Variants in PPP2R5A observed in about 807,000 individuals in gnomAD.
The protein encoded by PPP2R5A is protein phosphatase 2 regulatory subunit B'alpha, also known as serine/threonine-protein phosphatase 2A 56 kDa regulatory subunit alpha isoform.
Under a neutral mutation model 64.2 loss-of-function variants are expected in PPP2R5A, and 25 were observed. The observed-to-expected ratio is 0.39, with a 90% CI of 0.28 to 0.54. PPP2R5A has a LOEUF of 0.54. PPP2R5A is among the 20% of genes least tolerant of loss of function. PPP2R5A has a pLI of 0.67. For synonymous variants in PPP2R5A, 198 were observed against 201.2 expected, an observed-to-expected ratio of 0.98 and a Z score of 0.13; for missense variants, 425 against 576.3, an observed-to-expected ratio of 0.74 and a Z score of 2.69.
In PPP2R5A at chr1:212,286,050, T is replaced by C. The variant is rs1658490126; in HGVS notation, c.-61T>C. 1 of 1,444,980 alleles carries C rather than the reference T, an allele frequency of 6.9e-7. No individual in the cohort carries two copies. The highest frequency in any genetic ancestry group is 1.4e-5 in the South Asian group (1 of 72,830). The allele number at this position is 1,444,980 out of a possible 1,614,324, so 89.5% of individuals were successfully genotyped here. A position where few individuals can be genotyped will look rare whatever the true frequency, so the allele number is the denominator to read the frequency against. ...CTCTCCCCCGCCTCCTCCTGCCGTCTCCGCCGCTGCCCGTGCCTTGCAAGC... is the reference window on the plus strand; with the variant it reads ...CTCTCCCCCGCCTCCTCCTGCCGTCCCCGCCGCTGCCCGTGCCTTGCAAGC... On this transcript the variant is annotated 5_prime_UTR_variant, in exon 1 of 13. Transcript: ENST00000261461.
At chr1:212,289,029 C>G (rs1250417247) in intron 1 of PPP2R5A, among the ~76,000 whole-genome samples, 5 of 152,136 alleles carry the variant, frequency 3.3e-5, no homozygotes, top group African/African-American at 1.2e-4. Context: ...CAAAAATGTT[C>G]AGAATAAATT....
At chr1:212,307,810 A>T (rs1658948304) in intron 1 of PPP2R5A, among the ~76,000 whole-genome samples, 1 of 152,078 alleles carries the variant, frequency 6.6e-6, no homozygotes, top group Non-Finnish European at 1.5e-5. Flanking sequence ...GTTTTTATTT[A>T]TTTGGGAACG....
chr1:212,289,488 T>C (rs1431384797), intron 1 of PPP2R5A, among the ~76,000 whole-genome samples: 1 of 152,234 alleles, frequency 6.6e-6, no homozygotes, highest in East Asian at 1.9e-4. Flanking sequence ...CAGCTGACAC[T>C]GGGACCTAGG....
chr1:212,302,879 C>T (rs1169588111), intron 1 of PPP2R5A, among the ~76,000 whole-genome samples: 1 of 152,086 alleles, frequency 6.6e-6, no homozygotes, highest in Non-Finnish European at 1.5e-5. Context: ...ATTCACTTTG[C>T]ATAATGTTTT....
intron 1 of PPP2R5A, among the ~76,000 whole-genome samples, chr1:212,317,076 G>A (rs1487868118): frequency 6.6e-6 from 1 of 152,010 alleles, no homozygotes; most frequent in African/African-American, 2.4e-5. Context: ...AGTTCTGTAG[G>A]ACCCTTGCCT....
chr1:212,331,075 G>A (rs1384926068), intron 2 of PPP2R5A, among the ~76,000 whole-genome samples: 2 of 151,858 alleles, frequency 1.3e-5, no homozygotes, highest in African/African-American at 2.4e-5. Flanking sequence ...GGCTGAGGCC[G>A]GAGAATTGCT....
At position 212,313,863 on chromosome 1, in the gene PPP2R5A, T is replaced by C. The variant is rs188844265; in HGVS notation, c.182-15272T>C. On this transcript the variant is annotated intron_variant, in intron 1 of 12. Coordinates refer to ENST00000261461, the MANE Select transcript of PPP2R5A (RefSeq NM_006243.4). ...TCATGTTAAAAATCATCTTGGCTAT[T>C]CTTGGCACTTTATTTTTCCAGACGC... 2.6e-5 allele frequency: 4 copies of C among 152,332 alleles called. No homozygotes were observed. The East Asian group carries it at 7.7e-4, about 29-fold the overall frequency. 9.4% of individuals were successfully genotyped at this position (152,332 alleles called of 1,614,324 possible). A position where few individuals can be genotyped will look rare whatever the true frequency, so the allele number is the denominator to read the frequency against.
intron 1 of PPP2R5A, among the ~76,000 whole-genome samples, chr1:212,304,981 C>G (rs544663265): frequency 6.6e-6 from 1 of 151,016 alleles, no homozygotes; most frequent in African/African-American, 2.4e-5. Context: ...GCCACCCACC[C>G]CTGCGTCCCT....
chr1:212,288,485 T>G (rs761730833), intron 1 of PPP2R5A, among the ~76,000 whole-genome samples: 4 of 152,180 alleles, frequency 2.6e-5, no homozygotes, highest in Admixed American at 6.5e-5. Flanking sequence ...GAAAATACAG[T>G]ATTCATCATA....
intron 1 of PPP2R5A, among the ~76,000 whole-genome samples, chr1:212,325,935 A>T (rs979196579): frequency 2.6e-5 from 4 of 152,216 alleles, no homozygotes; most frequent in African/African-American, 9.6e-5. Context: ...ATTAGCAGAC[A>T]TCATTTATTA....
Position 212,333,571 on chromosome 1 carries a change from G to A in PPP2R5A, c.453G>A (p.Thr151=), listed in dbSNP as rs1290134975. The A allele has an allele frequency of 5.7e-6, 9 of 1,582,990 alleles. No individual in the cohort carries two copies. In the South Asian group the frequency reaches 1.0e-4, roughly 18 times the overall value. The change falls in exon 3 of 13, where the codon ACG becomes ACA. Residue 151 remains threonine (T), a synonymous_variant. Transcript: ENST00000261461. The part of the protein sequence containing the change: ...PDFDPEEDEP[T]LEASWPHIQL... ...TTGATCCAGAAGAGGATGAACCCAC[G>A]CTTGAGGCCTCTTGGCCTCACATAC...
At chr1:212,315,824 T>C (rs1398464527) in intron 1 of PPP2R5A, among the ~76,000 whole-genome samples, 1 of 152,228 alleles carries the variant, frequency 6.6e-6, no homozygotes, top group Non-Finnish European at 1.5e-5. Context: ...GGTCCCATTT[T>C]TCCAATAGCA....
At chr1:212,313,066 A>G (rs1659068808) in intron 1 of PPP2R5A, among the ~76,000 whole-genome samples, 1 of 152,042 alleles carries the variant, frequency 6.6e-6, no homozygotes, top group Non-Finnish European at 1.5e-5. Flanking sequence ...CAGTAGCCCT[A>G]TCTCTAGTCT....
chr1:212,351,102 C>CAAAAAAAAAAA (rs58625826), intron 8 of PPP2R5A, among the ~76,000 whole-genome samples: 2 of 103,742 alleles, frequency 1.9e-5, no homozygotes, highest in Non-Finnish European at 5.2e-5. Flanking sequence ...CGAGATGACA[C>CAAAAAAAAAAA]AAAAAAAAAA....
Position 212,329,267 on chromosome 1 carries a change from TTGAG to T in PPP2R5A, c.316_319del (p.Glu106MetfsTer8). ...AAAAGAGCAACACTGAATGAACTGGTTGAGTATGTTTCAACTAATCGTGGTGTAA... is the reference window on the plus strand; with the variant it reads ...AAAAGAGCAACACTGAATGAACTGGTTATGTTTCAACTAATCGTGGTGTAA... On this transcript the variant is annotated frameshift_variant, in exon 2 of 13. Coordinates refer to ENST00000261461, the MANE Select transcript of PPP2R5A (RefSeq NM_006243.4). LOFTEE classifies it high-confidence loss of function. 6.2e-7 allele frequency: 1 copy of T among 1,611,386 alleles called. No individual in the cohort carries two copies. Among genetic ancestry groups the T allele is most frequent in the Non-Finnish European group, 8.5e-7 (1 of 1,179,286 alleles).
chr1:212,318,922 T>A (rs1457273793), intron 1 of PPP2R5A, among the ~76,000 whole-genome samples: 1 of 152,264 alleles, frequency 6.6e-6, no homozygotes, highest in African/African-American at 2.4e-5. Context: ...GATTTTTGTA[T>A]CTGGGGGAGT....
At chr1:212,288,987 A>G (rs918969307) in intron 1 of PPP2R5A, among the ~76,000 whole-genome samples, 1 of 152,256 alleles carries the variant, frequency 6.6e-6, no homozygotes, top group Non-Finnish European at 1.5e-5. Context: ...TGTGCAAAAT[A>G]ATTTAGTAAG....
In PPP2R5A at chr1:212,285,927, T is replaced by C. The variant is rs971411269; in HGVS notation, c.-184T>C. On this transcript the variant is annotated 5_prime_UTR_variant, in exon 1 of 13. Coordinates refer to ENST00000261461, the MANE Select transcript of PPP2R5A (RefSeq NM_006243.4). The stretch of plus-strand genomic sequence containing the variant: ...ACCAGGAACCTCCAGCGCTGAGATG[T>C]GGCCGTGAGGCGTTGGCGGGCGGCG... The C allele has an allele frequency of 7.8e-6, 4 of 515,732 alleles. No homozygotes were observed. Among genetic ancestry groups the C allele is most frequent in the Non-Finnish European group, 1.2e-5 (4 of 321,342 alleles). The allele number at this position is 515,732 out of a possible 1,614,324, so 31.9% of individuals were successfully genotyped here. A position where few individuals can be genotyped will look rare whatever the true frequency, so the allele number is the denominator to read the frequency against.
rs74138123 is a variant in PPP2R5A at position 212,286,524 on chromosome 1, C to T, written c.181+233C>T. ...AATTCCCACCTGAACTCTTTCCATC[C>T]TAGGGGAGGCCAACACCCTTCCCCA... On this transcript the variant is annotated intron_variant, in intron 1 of 12. Transcript: ENST00000261461. Among the ~76,000 whole-genome samples the T allele has an allele frequency of 8.2e-3, 1,249 of 152,238 alleles. 18 individuals are homozygous for T. The highest frequency in any genetic ancestry group is 0.028 in the African/African-American group (1,174 of 41,544).
Sources: allele counts gnomAD v4.1 joint callset (sites outside exome capture counted in the v4.1 genomes callset), GRCh38; gene constraint gnomAD v4.1.1; transcripts MANE v1.5; gene names NCBI Gene and HGNC (gene_info 2026-07-23, HGNC 2026-07-21).